Variants in PCNX2 observed in about 807,000 individuals in gnomAD.
PCNX2 encodes pecanex-like protein 2.
Under a neutral mutation model 223.8 loss-of-function variants are expected in PCNX2, and 168 were observed. The observed-to-expected ratio is 0.75, with a 90% confidence interval of 0.66 to 0.85. The LOEUF is 0.85. Among genes scored for constraint, PCNX2 ranks in the 40% least tolerant of loss-of-function variants. The probability of loss-of-function intolerance (pLI) is 0.00; values close to 1 mark genes in which losing one functional copy is unlikely to be tolerated. For missense variants in PCNX2, 2,507 were observed against 2,675.5 expected (o/e 0.94, Z 1.39); for synonymous variants, 1,006 against 1,052.6 (o/e 0.96, Z 0.86).
At chr1:233,311,913 G>A in the PCNX2 span, among the ~76,000 whole-genome samples, 1 of 152,134 alleles carries the variant, frequency 6.6e-6, no homozygotes, top group African/African-American at 2.4e-5. Context: ...TGAGGCCTGA[G>A]GTCAGGAGTT....
intron 25 of PCNX2, among the ~76,000 whole-genome samples, chr1:233,042,756 G>C (rs571813856): frequency 6.6e-6 from 1 of 152,202 alleles, no homozygotes; most frequent in African/African-American, 2.4e-5. Flanking sequence ...TGTATATTCT[G>C]ATAGAAAGTG....
At chr1:233,074,318 G>C (rs1436514193) in intron 23 of PCNX2, among the ~76,000 whole-genome samples, 1 of 152,142 alleles carries the variant, frequency 6.6e-6, no homozygotes, top group Non-Finnish European at 1.5e-5. Context: ...GACGAGGCCG[G>C]GCGCGGTGGC....
At chr1:233,014,442 T>C (rs944140896) in intron 28 of PCNX2, among the ~76,000 whole-genome samples, 1 of 152,216 alleles carries the variant, frequency 6.6e-6, no homozygotes, top group Non-Finnish European at 1.5e-5. Flanking sequence ...TCCCTGGGTC[T>C]TGACTATTCC....
chr1:233,146,681 G>A (rs1013735535), intron 19 of PCNX2, among the ~76,000 whole-genome samples: 4 of 152,164 alleles, frequency 2.6e-5, no homozygotes, highest in African/African-American at 4.8e-5. Flanking sequence ...TGTAAATGAA[G>A]AGAAATATAA....
At chr1:233,088,143 G>A (rs1386371756) in intron 23 of PCNX2, among the ~76,000 whole-genome samples, 3 of 152,108 alleles carry the variant, frequency 2.0e-5, no homozygotes, top group East Asian at 1.9e-4. Flanking sequence ...CTCCTTTTGC[G>A]CAGGTGTTAG....
chr1:233,146,511 T>C (rs1263857645), intron 19 of PCNX2, among the ~76,000 whole-genome samples: 1 of 152,234 alleles, frequency 6.6e-6, no homozygotes, highest in Non-Finnish European at 1.5e-5. Context: ...AATTATTTTT[T>C]CTGATTTCTC....
intron 23 of PCNX2, chr1:233,089,785 G>A (rs1439491221): frequency 3.1e-6 from 3 of 975,856 alleles, no homozygotes; most frequent in South Asian, 2.8e-5. Context: ...GGTCACCTAC[G>A]AAAATTTGGC....
chr1:233,189,090 T>C (rs1680273909), intron 15 of PCNX2, among the ~76,000 whole-genome samples: 1 of 152,202 alleles, frequency 6.6e-6, no homozygotes, highest in Non-Finnish European at 1.5e-5. Flanking sequence ...TAGACATTAT[T>C]GATTTGATTC....
At chr1:233,214,775 T>C (rs1338288290) in intron 12 of PCNX2, among the ~76,000 whole-genome samples, 1 of 152,222 alleles carries the variant, frequency 6.6e-6, no homozygotes, top group Non-Finnish European at 1.5e-5. Context: ...CTCCCAGACC[T>C]ATTTTCTTTT....
At chr1:233,274,094 G>A (rs994824466) in intron 1 of PCNX2, among the ~76,000 whole-genome samples, 2 of 152,204 alleles carry the variant, frequency 1.3e-5, no homozygotes, top group Non-Finnish European at 2.9e-5. Context: ...CTTGGGGGGA[G>A]TTGTTGCTCC....
intron 13 of PCNX2, among the ~76,000 whole-genome samples, chr1:233,204,847 AC>A (rs1341986024): frequency 6.6e-6 from 1 of 152,218 alleles, no homozygotes; most frequent in Non-Finnish European, 1.5e-5. Flanking sequence ...TGATAAGCAA[AC>A]AAAAATATGT....
chr1:233,210,773 C>A (rs909608597), intron 12 of PCNX2, among the ~76,000 whole-genome samples: 1 of 152,206 alleles, frequency 6.6e-6, no homozygotes, highest in African/African-American at 2.4e-5. Context: ...TTGACACCAT[C>A]AGGCCCCATC....
chr1:233,176,046 AATGAG>A (rs1679457377), intron 17 of PCNX2, among the ~76,000 whole-genome samples: 1 of 152,204 alleles, frequency 6.6e-6, no homozygotes. Context: ...TATCAAGACA[AATGAG>A]ACACAGTCCT....
At chr1:233,281,442 G>GA (rs1661188238) in intron 1 of PCNX2, among the ~76,000 whole-genome samples, 1 of 152,146 alleles carries the variant, frequency 6.6e-6, no homozygotes, top group Non-Finnish European at 1.5e-5. Flanking sequence ...ATAAGAATAA[G>GA]AAATGCGTAA....
chr1:233,030,478 T>C (rs1671224519), intron 25 of PCNX2, among the ~76,000 whole-genome samples: 1 of 152,238 alleles, frequency 6.6e-6, no homozygotes, highest in Admixed American at 6.5e-5. Flanking sequence ...ACTCTTGTTA[T>C]ATGCTAGATA....
intron 19 of PCNX2, among the ~76,000 whole-genome samples, chr1:233,141,773 ATGTG>A (rs34145635): frequency 1.1e-3 from 168 of 146,208 alleles, no homozygotes; most frequent in East Asian, 5.8e-3. Context: ...GTATATGTAT[ATGTG>A]TGTGTGTGTG....
chr1:233,074,232 T>C (rs1281194303), intron 23 of PCNX2, among the ~76,000 whole-genome samples: 1 of 152,098 alleles, frequency 6.6e-6, no homozygotes, highest in African/African-American at 2.4e-5. Context: ...TGGTCCATTG[T>C]GGAGAATAGT....
chr1:233,177,965 T>C (rs1558313379), intron 16 of PCNX2, 67 bp from the exon 17 acceptor site: 3 of 1,240,110 alleles, frequency 2.4e-6, no homozygotes, highest in Admixed American at 1.9e-5. Context: ...GTAAATAACT[T>C]CACCTTAGAT....
intron 22 of PCNX2, 131 bp downstream of exon 22, chr1:233,095,624 C>T (rs1342838063): frequency 2.4e-6 from 2 of 829,816 alleles, no homozygotes; most frequent in South Asian, 1.5e-5. Flanking sequence ...TCCAAAGTGC[C>T]TCTTCATGTC....
Sources: allele counts gnomAD v4.1 joint callset (sites outside exome capture counted in the v4.1 genomes callset), GRCh38; gene constraint gnomAD v4.1.1; transcripts MANE v1.5; gene names NCBI Gene and HGNC (gene_info 2026-07-23, HGNC 2026-07-21).